The following IMMP2L variants were observed in gnomAD, a reference collection of about 807,000 sequenced individuals.
The protein encoded by IMMP2L is mitochondrial inner membrane protease subunit 2.
Under a neutral mutation model 19.3 loss-of-function variants are expected in IMMP2L, and 18 were observed. That is an observed-to-expected ratio of 0.93 (90% CI 0.64 to 1.38). The LOEUF (loss-of-function observed/expected upper bound fraction) is 1.38, where lower values mean the gene tolerates loss of function less well. Among genes scored for constraint, IMMP2L ranks in the 40% most tolerant of loss-of-function variants. The pLI is 0.00. For synonymous variants in IMMP2L, 76 were observed against 73.0 expected, an observed-to-expected ratio of 1.04 and a Z score of -0.21; for missense variants, 233 against 218.2, an observed-to-expected ratio of 1.07 and a Z score of -0.43.
At chr7:110,918,333 C>T (rs1813849407) in intron 4 of IMMP2L, among the ~76,000 whole-genome samples, 1 of 152,056 alleles carries the variant, frequency 6.6e-6, no homozygotes, top group Middle Eastern at 3.2e-3. Context: ...ATTATGACCT[C>T]TGATGACATT....
chr7:111,418,964 T>G (rs1835213168), intron 3 of IMMP2L, among the ~76,000 whole-genome samples: 1 of 151,860 alleles, frequency 6.6e-6, no homozygotes, highest in Non-Finnish European at 1.5e-5. Flanking sequence ...CAATAAACTA[T>G]TTTTTCAATA....
At chr7:110,774,548 C>T (rs1799250217) in intron 5 of IMMP2L, among the ~76,000 whole-genome samples, 1 of 151,994 alleles carries the variant, frequency 6.6e-6, no homozygotes, top group Admixed American at 6.6e-5. Flanking sequence ...TAGTTATGTG[C>T]CACATAATGA....
At chr7:110,678,030 A>T (rs1008188621) in intron 5 of IMMP2L, among the ~76,000 whole-genome samples, 1 of 152,180 alleles carries the variant, frequency 6.6e-6, no homozygotes, top group Non-Finnish European at 1.5e-5. Flanking sequence ...TCACAAGAGT[A>T]ATGGCCCTTG....
intron 5 of IMMP2L, among the ~76,000 whole-genome samples, chr7:110,676,830 T>C (rs563669040): frequency 6.6e-6 from 1 of 152,292 alleles, no homozygotes; most frequent in Non-Finnish European, 1.5e-5. Flanking sequence ...ACTGACAACA[T>C]GCCCCAATTC....
intron 3 of IMMP2L, among the ~76,000 whole-genome samples, chr7:111,480,085 CTT>C (rs745928732): frequency 1.3e-4 from 19 of 141,046 alleles, no homozygotes; most frequent in East Asian, 2.0e-4. Flanking sequence ...AGGATACCAA[CTT>C]TTTTTTTTTT....
intron 3 of IMMP2L, among the ~76,000 whole-genome samples, chr7:111,196,241 A>C (rs1809488044): frequency 6.6e-6 from 1 of 152,192 alleles, no homozygotes; most frequent in Non-Finnish European, 1.5e-5. Flanking sequence ...TCTTGGAATA[A>C]TGTGAAAGAT....
At position 111,063,675 on chromosome 7, in the gene IMMP2L, C is replaced by CCAGA. The variant is rs1358744183; in HGVS notation, c.240-100114_240-100111dup. 2.0e-5 allele frequency among the ~76,000 whole-genome samples: 3 copies of CCAGA among 149,662 alleles called. No individual in the cohort carries two copies. The East Asian group carries it at 5.8e-4, about 29-fold the overall frequency. ...CTTTGCTGCTTAAAAATTTCTTCCT[C>CCAGA]CAGATACCTTAAATCATCTCTCTCA... On this transcript the variant is annotated intron_variant, in intron 3 of 5. Transcript: ENST00000405709.
chr7:110,825,316 C>T (rs2131355445), intron 5 of IMMP2L, among the ~76,000 whole-genome samples: 1 of 152,194 alleles, frequency 6.6e-6, no homozygotes, highest in South Asian at 2.1e-4. Flanking sequence ...TGACTTTCTT[C>T]ACAGAATTGG....
chr7:111,395,734 C>G (rs1832802194), intron 3 of IMMP2L, among the ~76,000 whole-genome samples: 1 of 152,090 alleles, frequency 6.6e-6, no homozygotes, highest in Non-Finnish European at 1.5e-5. Context: ...CTGCCACATT[C>G]TCAAAAAAAC....
chr7:111,011,256 C>T (rs185965010), intron 3 of IMMP2L, among the ~76,000 whole-genome samples: 90 of 152,212 alleles, frequency 5.9e-4, no homozygotes, highest in Middle Eastern at 3.4e-3. Context: ...AGACAGACTG[C>T]CATTTGCTGA....
chr7:110,886,789 A>C, intron 4 of IMMP2L, 94 bp from the exon 5 acceptor site: 3 of 610,568 alleles, frequency 4.9e-6, no homozygotes, highest in Non-Finnish European at 9.0e-6. Flanking sequence ...TATTATATAG[A>C]TGTTACAGAC....
chr7:111,062,626 T>C (rs1362169550), intron 3 of IMMP2L, among the ~76,000 whole-genome samples: 1 of 152,172 alleles, frequency 6.6e-6, no homozygotes, highest in African/African-American at 2.4e-5. Flanking sequence ...GCCTGTAAAA[T>C]CAAAAGCAAG....
At chr7:111,168,824 T>C (rs1174012903) in intron 3 of IMMP2L, among the ~76,000 whole-genome samples, 2 of 151,854 alleles carry the variant, frequency 1.3e-5, no homozygotes, top group African/African-American at 4.8e-5. Context: ...AAATGCATAT[T>C]AGATCATCTG....
rs564921110 is a variant in IMMP2L at position 110,913,461 on chromosome 7, AG to A, written c.306-26767del. On this transcript the variant is annotated intron_variant, in intron 4 of 5. Coordinates refer to ENST00000405709, the MANE Select transcript of IMMP2L (RefSeq NM_032549.4). ...ACTCATACAACTCAATAGCAAAAAA[AG>A]AAAAAAGAAAAAAAGAAAAAATCTG... is the stretch of plus-strand genomic sequence containing the variant. Among the ~76,000 whole-genome samples the A allele has an allele frequency of 9.1e-3, 1,384 of 152,168 alleles. 21 individuals are homozygous for A. The highest frequency in any genetic ancestry group is 0.031 in the African/African-American group (1,303 of 41,474).
At chr7:111,159,966 C>A (rs1562869913) in intron 3 of IMMP2L, among the ~76,000 whole-genome samples, 1 of 152,020 alleles carries the variant, frequency 6.6e-6, no homozygotes, top group Non-Finnish European at 1.5e-5. Flanking sequence ...TGCTCCAAAG[C>A]TAATGGTATC....
At chr7:111,057,915 A>G in intron 3 of IMMP2L, among the ~76,000 whole-genome samples, 1 of 152,308 alleles carries the variant, frequency 6.6e-6, no homozygotes, top group Middle Eastern at 3.4e-3. Flanking sequence ...ATTTATATAT[A>G]TATACATACC....
intron 2 of IMMP2L, among the ~76,000 whole-genome samples, chr7:111,507,957 A>C (rs939701615): frequency 6.6e-6 from 1 of 152,126 alleles, no homozygotes; most frequent in African/African-American, 2.4e-5. Context: ...GTATTTGCTT[A>C]TATCCTACTG....
intron 3 of IMMP2L, among the ~76,000 whole-genome samples, chr7:111,083,905 T>G (rs1796090915): frequency 6.6e-6 from 1 of 152,222 alleles, no homozygotes; most frequent in Non-Finnish European, 1.5e-5. Flanking sequence ...ATTTCTATTT[T>G]CTGAATAATA....
chr7:110,787,066 A>G (rs1800129851), intron 5 of IMMP2L, among the ~76,000 whole-genome samples: 1 of 152,042 alleles, frequency 6.6e-6, no homozygotes, highest in African/African-American at 2.4e-5. Flanking sequence ...TTTATCTGAC[A>G]TGACAAATCA....
Sources: gnomAD v4.1 joint callset for allele counts (sites outside exome capture counted in the v4.1 genomes callset) on GRCh38, gnomAD v4.1.1 for gene constraint, MANE v1.5 for transcripts, NCBI Gene and HGNC (gene_info 2026-07-23, HGNC 2026-07-21) for gene names.